Variants in LRRN4 observed in about 807,000 individuals in gnomAD.
LRRN4 encodes leucine rich repeat neuronal 4, also known as leucine-rich repeat neuronal protein 4.
In LRRN4, 26 loss-of-function variants were observed where a neutral mutation model predicts 22.3. The ratio of observed to expected loss-of-function variants is 1.16; its 90% CI spans 0.85 to 1.62. The LOEUF is 1.62. Among genes scored for constraint, LRRN4 ranks in the 40% most tolerant of loss-of-function variants. The probability of loss-of-function intolerance (pLI) is 0.00; values close to 1 mark genes in which losing one functional copy is unlikely to be tolerated. For synonymous variants in LRRN4, 496 were observed against 486.2 expected (o/e 1.02, Z -0.26); for missense variants, 1,070 against 1,008.5 (o/e 1.06, Z -0.83).
chr20:6,053,204 G>A (rs552424240), intron 1 of LRRN4, among the ~76,000 whole-genome samples: 32 of 152,280 alleles, frequency 2.1e-4, no homozygotes, highest in African/African-American at 6.7e-4. Context: ...CAGGTAAACA[G>A]TCACTGCTCC....
In LRRN4 at chr20:6,041,500, G is replaced by A. The variant is rs761374654; in HGVS notation, c.1745C>T (p.Pro582Leu). Residue 582 changes from proline (P) to leucine (L), a missense_variant, in exon 5 of 5, where the codon CCG becomes CTG. Coordinates refer to ENST00000378858, the MANE Select transcript of LRRN4 (RefSeq NM_152611.5). This position sits in a 1 kb window ranked among gnomAD's most constrained non-coding sequence, Gnocchi z 9.4. Reference protein sequence around the residue: ...GLSGEDTIPDPPRLQGVTETT... With the variant: ...GLSGEDTIPDLPRLQGVTETT... Reference sequence around the variant, plus strand: ...CTCCGTCACCCCCTGCAGCCTGGGCGGGTCTGGGATGGTGTCTTCCCCGCT... The same window carrying A: ...CTCCGTCACCCCCTGCAGCCTGGGCAGGTCTGGGATGGTGTCTTCCCCGCT... 3 of 1,557,196 alleles carry A rather than the reference G, an allele frequency of 1.9e-6. No homozygotes were observed. The highest frequency in any genetic ancestry group is 2.3e-5 in the East Asian group (1 of 44,356).
chr20:6,041,949 G>T lies in LRRN4; in HGVS notation c.1296C>A (p.Ser432=), dbSNP rs776608297. The part of the protein sequence containing the change: ...HSDAREGTAP[S]TTNSVAGHSN... ...TGTGACCTGCTACAGAGTTGGTCGT[G>T]GAGGGGGCAGTCCCCTCCCGTGCAT... The change falls in exon 5 of 5, where the codon TCC becomes TCA. Residue 432 remains serine (S), a synonymous_variant. Transcript: ENST00000378858. The surrounding 1 kb of genome is among the most constrained non-coding windows in gnomAD (Gnocchi z 9.4). The T allele has an allele frequency of 6.2e-7, 1 of 1,614,196 alleles. No individual in the cohort carries two copies. The highest frequency in any genetic ancestry group is 1.1e-5 in the South Asian group (1 of 91,088).
Position 6,052,222 on chromosome 20 carries a change from G to A in LRRN4, c.578C>T (p.Ala193Val), listed in dbSNP as rs1385935855. The A allele has an allele frequency of 1.3e-6, 2 of 1,583,080 alleles. No homozygotes were observed. Among genetic ancestry groups the A allele is most frequent in the Admixed American group, 3.6e-5 (2 of 56,242 alleles). The change falls in exon 2 of 5, where the codon GCG (alanine) becomes GTG (valine). Residue 193 changes from alanine to valine, a missense_variant. Ala to Val is a moderately conservative substitution (Grantham distance 64). Transcript: ENST00000378858. ...GRGAQGGIAEAAFAGEDGAPL... is the reference protein window; with the variant it reads ...GRGAQGGIAEVAFAGEDGAPL... ...CGCGCCATCCTCTCCAGCGAACGCCGCCTCGGCGATGCCCCCCTGGGCTCC... is the reference window on the plus strand; with the variant it reads ...CGCGCCATCCTCTCCAGCGAACGCCACCTCGGCGATGCCCCCCTGGGCTCC...
rs559953878 is a variant in LRRN4 at position 6,045,301 on chromosome 20, G to T, written c.861-621C>A. Among the ~76,000 whole-genome samples, 31 of 148,198 alleles carry T rather than the reference G, an allele frequency of 2.1e-4. 5 individuals carry two copies. Among genetic ancestry groups the T allele is most frequent in the Non-Finnish European group, 9.0e-5 (6 of 66,368 alleles). ...TAAAAATACAAAAATTAGCCGGGCG[G>T]TAGTGGTGCACCTGTAATCCCAGTT... On this transcript the variant is annotated intron_variant, in intron 3 of 4. Transcript: ENST00000378858.
At chr20:6,053,032 T>C (rs1416605191) in intron 1 of LRRN4, among the ~76,000 whole-genome samples, 4 of 152,100 alleles carry the variant, frequency 2.6e-5, no homozygotes, top group African/African-American at 9.7e-5. Flanking sequence ...CCCCTGCTCT[T>C]CCTCCCCTCA....
At chr20:6,045,860 C>A (rs998511521) in intron 3 of LRRN4, among the ~76,000 whole-genome samples, 1 of 148,858 alleles carries the variant, frequency 6.7e-6, no homozygotes, top group African/African-American at 2.4e-5. Flanking sequence ...TGGGCTTATT[C>A]ACATGGTAGT....
In LRRN4 at chr20:6,052,316, G is replaced by A; in HGVS notation, c.484C>T (p.Gln162Ter). The change falls in exon 2 of 5, where the codon CAG becomes TAG. Residue 162 changes from glutamine to a stop codon, truncating the protein, a stop_gained. Coordinates refer to ENST00000378858, the MANE Select transcript of LRRN4 (RefSeq NM_152611.5). LOFTEE classifies it high-confidence loss of function. ...GGGAAGCAGGCGAAGGCCCGGGGCT[G>A]CAGCGCCCGCAGCGGATTCCCGGCG... ...ALAGNPLRAL[Q>*]PRAFACFPAL... 1 of 1,516,300 alleles carries A rather than the reference G, an allele frequency of 6.6e-7. No homozygotes were observed. Among genetic ancestry groups the A allele is most frequent in the Non-Finnish European group, 8.8e-7 (1 of 1,138,586 alleles). 93.9% of individuals were successfully genotyped at this position (1,516,300 alleles called of 1,614,324 possible). A position where few individuals can be genotyped will look rare whatever the true frequency, so the allele number is the denominator to read the frequency against.
At position 6,050,859 on chromosome 20, in the gene LRRN4, A is replaced by C; in HGVS notation, c.780T>G (p.Cys260Trp). 6.2e-7 allele frequency: 1 copy of C among 1,614,084 alleles called. No individual in the cohort carries two copies. The highest frequency in any genetic ancestry group is 8.5e-7 in the Non-Finnish European group (1 of 1,179,980). The part of the protein sequence containing the change: ...KMTPNLQQLD[C>W]QDSPALASVA... Reference sequence around the variant, plus strand: ...CAGAAGCAAGTGCTGGGGAGTCCTGACAGTCCAGCTGCTGCAGGTTGGGGG... The same window carrying C: ...CAGAAGCAAGTGCTGGGGAGTCCTGCCAGTCCAGCTGCTGCAGGTTGGGGG... Residue 260 changes from cysteine to tryptophan, a missense_variant, in exon 3 of 5, where the codon TGT becomes TGG. Coordinates refer to ENST00000378858, the MANE Select transcript of LRRN4 (RefSeq NM_152611.5).
chr20:6,050,782 T>C lies in LRRN4; in HGVS notation c.857A>G (p.Gln286Arg), dbSNP rs750856108. The change falls in exon 3 of 5, where the codon CAG becomes CGG. Residue 286 changes from glutamine (Q) to arginine (R), a missense_variant. Transcript: ENST00000378858. ...GATGTGCCTCAGAAGCACTTACTTC[T>C]GGAACAGAAGGACCTGTAGATGTGG... ...DTPHLQVLLF[Q>R]NCNLSSFPPW... 9 of 1,613,536 alleles carry C rather than the reference T, an allele frequency of 5.6e-6. No homozygotes were observed. Among genetic ancestry groups the C allele is most frequent in the African/African-American group, 1.3e-5 (1 of 75,002 alleles).
At chr20:6,046,965 A>T (rs1981114205) in intron 3 of LRRN4, among the ~76,000 whole-genome samples, 3 of 152,060 alleles carry the variant, frequency 2.0e-5, no homozygotes, top group Admixed American at 2.0e-4. Flanking sequence ...GAAGAGGATT[A>T]TATTTTTTTT....
intron 3 of LRRN4, among the ~76,000 whole-genome samples, chr20:6,050,039 T>TTTC (rs1434951429): frequency 6.6e-6 from 1 of 152,050 alleles, no homozygotes; most frequent in Non-Finnish European, 1.5e-5. Context: ...ATATACTTTT[T>TTTC]TTCTCATGAA....
intron 3 of LRRN4, among the ~76,000 whole-genome samples, chr20:6,047,467 C>G (rs79304986): frequency 0.027 from 3,278 of 121,904 alleles, 116 homozygotes; most frequent in African/African-American, 0.085. Context: ...CACACACACA[C>G]AGAGACACAC....
At chr20:6,042,693 G>T (rs1232283271) in intron 4 of LRRN4, among the ~76,000 whole-genome samples, 2 of 152,096 alleles carry the variant, frequency 1.3e-5, no homozygotes, top group Non-Finnish European at 2.9e-5. Context: ...AGCTGAGGCG[G>T]GCAGATCACA....
intron 3 of LRRN4, among the ~76,000 whole-genome samples, chr20:6,046,915 T>C (rs1981113297): frequency 6.6e-6 from 1 of 151,730 alleles, no homozygotes; most frequent in Admixed American, 6.6e-5. Context: ...TGTGTGTGTG[T>C]GGAAAGGAAA....
chr20:6,041,320 G>T lies in LRRN4; in HGVS notation c.1925C>A (p.Ser642Ter). The change falls in exon 5 of 5, where the codon TCG (serine) becomes TAG (stop). Residue 642 changes from serine (S) to a stop codon, truncating the protein, a stop_gained. Transcript: ENST00000378858. LOFTEE classifies it low-confidence loss of function (END_TRUNC). The surrounding 1 kb of genome is among the most constrained non-coding windows in gnomAD (Gnocchi z 9.4). The part of the protein sequence containing the change: ...TARQHPLYGL[S>*]PGTTYRVCVL... ...GCACACGCGGTAGGTGGTGCCCGGC[G>T]ACAGCCCGTACAGAGGGTGCTGCCG... is the stretch of plus-strand genomic sequence containing the variant. 6.3e-7 allele frequency: 1 copy of T among 1,597,258 alleles called. No individual in the cohort carries two copies. The highest frequency in any genetic ancestry group is 8.5e-7 in the Non-Finnish European group (1 of 1,175,730).
chr20:6,047,430 A>ACT (rs35563334), intron 3 of LRRN4, among the ~76,000 whole-genome samples: 10,498 of 88,144 alleles, frequency 0.12, 467 homozygotes, highest in South Asian at 0.15. Flanking sequence ...ACACATACAC[A>ACT]CACACACACA....
In LRRN4 at chr20:6,040,972, T is replaced by C. The variant is rs759504272; in HGVS notation, c.*50A>G. ...TCGTTTTTGACCGTCTGTGTCTTCC[T>C]TTTTGCGCTCAGATCCAGTTCGATG... On this transcript the variant is annotated 3_prime_UTR_variant, in exon 5 of 5. Coordinates refer to ENST00000378858, the MANE Select transcript of LRRN4 (RefSeq NM_152611.5). The C allele has an allele frequency of 2.1e-4, 328 of 1,598,554 alleles. No homozygotes were observed. The highest frequency in any genetic ancestry group is 2.6e-4 in the Non-Finnish European group (301 of 1,171,740).
chr20:6,047,749 C>T lies in LRRN4; in HGVS notation c.860+3030G>A, dbSNP rs577410234. On this transcript the variant is annotated intron_variant, in intron 3 of 4. Transcript: ENST00000378858. Reference sequence around the variant, plus strand: ...AAGATTGCAGTGAGCTGAGATAGAGCCACTGCACTCCATCCTGGTGGCAGA... The same window carrying T: ...AAGATTGCAGTGAGCTGAGATAGAGTCACTGCACTCCATCCTGGTGGCAGA... Among the ~76,000 whole-genome samples, 3 of 150,848 alleles carry T rather than the reference C, an allele frequency of 2.0e-5. No homozygotes were observed. In the South Asian group the frequency reaches 6.4e-4, roughly 32 times the overall value.
At chr20:6,049,782 C>G (rs564223735) in intron 3 of LRRN4, among the ~76,000 whole-genome samples, 1 of 152,136 alleles carries the variant, frequency 6.6e-6, no homozygotes. Context: ...GGATTACAGG[C>G]ATGAGCCATC....
Sources: gnomAD v4.1 joint callset for allele counts (sites outside exome capture counted in the v4.1 genomes callset) on GRCh38, gnomAD v4.1.1 for gene constraint, Gnocchi (gnomAD v3.1) non-coding constraint, MANE v1.5 for transcripts, NCBI Gene and HGNC (gene_info 2026-07-23, HGNC 2026-07-21) for gene names.